MIEF1: variants seen among roughly 807,000 people sequenced by gnomAD.
MIEF1 encodes mitochondrial elongation factor 1.
In MIEF1, 14 loss-of-function variants were observed where a neutral mutation model predicts 35.1. The ratio of observed to expected loss-of-function variants is 0.40; its 90% CI spans 0.26 to 0.62. MIEF1 has a LOEUF of 0.62. MIEF1 is among the 20% of genes least tolerant of loss of function. The pLI, the probability that MIEF1 is intolerant of heterozygous loss-of-function variation, is 0.43. For missense variants in MIEF1, 542 were observed against 615.4 expected (o/e 0.88, Z 1.26); for synonymous variants, 245 against 254.3 (o/e 0.96, Z 0.35).
At position 39,517,654 on chromosome 22, in the gene MIEF1, AT is replaced by A; in HGVS notation, c.*3334del. The A allele has an allele frequency of 2.1e-6, 1 of 470,626 alleles. No homozygotes were observed. The highest frequency in any genetic ancestry group is 7.0e-5 in the East Asian group (1 of 14,376). 29.2% of individuals were successfully genotyped at this position (470,626 alleles called of 1,614,324 possible). ...GGCTGAGAACGTGTTCTGTCAGAGG[AT>A]TTGTTAGAACTCTGCCCTTTTGTCT... On this transcript the variant is annotated 3_prime_UTR_variant, in exon 6 of 6. Transcript: ENST00000325301.
intron 2 of MIEF1, among the ~76,000 whole-genome samples, chr22:39,505,290 T>C (rs1929959853): frequency 6.6e-6 from 1 of 151,114 alleles, no homozygotes; most frequent in Non-Finnish European, 1.5e-5. Flanking sequence ...CCTCAAGCAG[T>C]CCTCCCTTCT....
intron 2 of MIEF1, among the ~76,000 whole-genome samples, chr22:39,507,338 C>T (rs1485320202): frequency 7.2e-5 from 11 of 151,794 alleles, no homozygotes; most frequent in Admixed American, 1.3e-4. Context: ...CTCTGCCTCC[C>T]GACTTCAAGC....
In MIEF1 at chr22:39,513,382, G is replaced by A. The variant is rs79101629; in HGVS notation, c.586-135G>A. On this transcript the variant is annotated intron_variant, in intron 5 of 5. Transcript: ENST00000325301. The stretch of plus-strand genomic sequence containing the variant: ...GCTTCCCACAGTGCTGAGATTACAG[G>A]CATGGGCCACTGCGCCCGGCCTAGA... 592 of 894,130 alleles carry A rather than the reference G, an allele frequency of 6.6e-4. 3 individuals carry two copies. In the African/African-American group the frequency reaches 8.9e-3, roughly 13 times the overall value. The allele number at this position is 894,130 out of a possible 1,614,324, so 55.4% of individuals were successfully genotyped here.
chr22:39,503,926 A>C, intron 1 of MIEF1: 1 of 272,592 alleles, frequency 3.7e-6, no homozygotes, highest in African/African-American at 2.2e-5. Flanking sequence ...TAAGTGAGGA[A>C]GCTGGTGCTC....
At position 39,511,855 on chromosome 22, in the gene MIEF1, G is replaced by A. The variant is rs569843822; in HGVS notation, c.151G>A (p.Asp51Asn). Residue 51 changes from aspartate to asparagine, a missense_variant, in exon 4 of 6, where the codon GAT (aspartate) becomes AAT (asparagine). By Grantham distance (23) the Asp-to-Asn change is conservative (BLOSUM62 1). Transcript: ENST00000325301. Reference sequence around the variant, plus strand: ...GTCCTCTCTGCTATTTCAGATGTACGATCGGGCGATCAGTGCCCCTACCAG... The same window carrying A: ...GTCCTCTCTGCTATTTCAGATGTACAATCGGGCGATCAGTGCCCCTACCAG... Reference protein sequence around the residue: ...IATLAVKRMYDRAISAPTSPT... With the variant: ...IATLAVKRMYNRAISAPTSPT... 10 of 1,612,136 alleles carry A rather than the reference G, an allele frequency of 6.2e-6. No homozygotes were observed. The highest frequency in any genetic ancestry group is 1.7e-5 in the Admixed American group (1 of 59,808).
intron 2 of MIEF1, 39 bp from the exon 3 acceptor site, chr22:39,511,249 G>A (rs1337274618): frequency 6.2e-7 from 1 of 1,611,778 alleles, no homozygotes; most frequent in Non-Finnish European, 8.5e-7. Flanking sequence ...GGTTCTTGGG[G>A]TCCCAGTACT....
At chr22:39,505,552 A>T (rs1288789434) in intron 2 of MIEF1, among the ~76,000 whole-genome samples, 1 of 152,168 alleles carries the variant, frequency 6.6e-6, no homozygotes, top group African/African-American at 2.4e-5. Context: ...GTACCCCTGT[A>T]AGGCAAATAG....
intron 2 of MIEF1, among the ~76,000 whole-genome samples, chr22:39,507,865 A>G (rs868302612): frequency 4.0e-5 from 6 of 151,120 alleles, no homozygotes; most frequent in Middle Eastern, 3.4e-3. Context: ...ACTCAGTCTC[A>G]AAAAAAAAGA....
chr22:39,515,258 G>C lies in MIEF1; in HGVS notation c.*935G>C. 1.4e-6 allele frequency: 1 copy of C among 717,354 alleles called. No individual in the cohort carries two copies. The highest frequency in any genetic ancestry group is 2.6e-6 in the Non-Finnish European group (1 of 385,058). 44.4% of individuals were successfully genotyped at this position (717,354 alleles called of 1,614,324 possible). A position where few individuals can be genotyped will look rare whatever the true frequency, so the allele number is the denominator to read the frequency against. On this transcript the variant is annotated 3_prime_UTR_variant, in exon 6 of 6. Transcript: ENST00000325301. The stretch of plus-strand genomic sequence containing the variant: ...AAGGCCTTGAAGGAACGCAGCCTTA[G>C]ACATCAGGTGAGGATGATGGAGGTA...
At chr22:39,510,352 C>G (rs898923263) in intron 2 of MIEF1, among the ~76,000 whole-genome samples, 1 of 152,142 alleles carries the variant, frequency 6.6e-6, no homozygotes, top group Non-Finnish European at 1.5e-5. Flanking sequence ...ACTGTAGCCT[C>G]AAACTCCTGG....
In MIEF1 at chr22:39,514,166, TGAG is replaced by T; in HGVS notation, c.1237_1239del (p.Arg413del). 4 of 1,614,198 alleles carry T rather than the reference TGAG, an allele frequency of 2.5e-6. No homozygotes were observed. The highest frequency in any genetic ancestry group is 1.7e-6 in the Non-Finnish European group (2 of 1,180,032). Reference sequence around the variant, plus strand: ...CTGGCCGACCGTTTCCTGCAGGCCTTGAGGGGACTTATCAGCTACTTAGAGGCT... The same window carrying T: ...CTGGCCGACCGTTTCCTGCAGGCCTTGGGACTTATCAGCTACTTAGAGGCT... On this transcript the variant is annotated inframe_deletion, in exon 6 of 6. Transcript: ENST00000325301.
Position 39,514,323 on chromosome 22 carries a change from G to C in MIEF1, c.1392G>C (p.Ter464TyrextTer3), listed in dbSNP as rs1334992283. ...LSEPEVLLQT[*>Y] The stretch of plus-strand genomic sequence containing the variant: ...AGCCAGAGGTGCTGCTGCAGACGTA[G>C]GGCAGGTGAAGGCCAAAGCGGGTGT... Residue 464 changes from the stop codon to tyrosine (Y), a stop_lost, in exon 6 of 6, where the codon TAG becomes TAC. Coordinates refer to ENST00000325301, the MANE Select transcript of MIEF1 (RefSeq NM_019008.6). The C allele has an allele frequency of 6.2e-7, 1 of 1,612,504 alleles. No individual in the cohort carries two copies. Among genetic ancestry groups the C allele is most frequent in the African/African-American group, 1.3e-5 (1 of 75,040 alleles).
intron 5 of MIEF1, among the ~76,000 whole-genome samples, chr22:39,512,929 G>A (rs1359411771): frequency 3.3e-5 from 5 of 152,110 alleles, no homozygotes; most frequent in African/African-American, 1.2e-4. Flanking sequence ...GATTACAGGC[G>A]TGAGCCTGGC....
In MIEF1 at chr22:39,502,415, G is replaced by C. The variant is rs909400551; in HGVS notation, c.-362G>C. The C allele has an allele frequency of 6.6e-6, 1 of 152,366 alleles. No individual in the cohort carries two copies. The highest frequency in any genetic ancestry group is 1.5e-5 in the Non-Finnish European group (1 of 68,138). 9.4% of individuals were successfully genotyped at this position (152,366 alleles called of 1,614,324 possible). ...CCCGGCCAGAGGCGAGTCCTGCGGA[G>C]TGGTAGCGCGCACGGCCTGCGGGTG... On this transcript the variant is annotated 5_prime_UTR_variant, in exon 1 of 6. Transcript: ENST00000325301.
chr22:39,512,122 C>T lies in MIEF1; in HGVS notation c.322+96C>T. ...TTCCTGAGCACATCTGTGCCAGGCACTGTGCCAGCACTTGCCCTCCATGCC... is the reference window on the plus strand; with the variant it reads ...TTCCTGAGCACATCTGTGCCAGGCATTGTGCCAGCACTTGCCCTCCATGCC... On this transcript the variant is annotated intron_variant, in intron 4 of 5. Transcript: ENST00000325301. 23 of 1,557,286 alleles carry T rather than the reference C, an allele frequency of 1.5e-5. No homozygotes were observed. The South Asian group carries it at 2.6e-4, about 18-fold the overall frequency.
At chr22:39,508,878 A>AGAGTCAGAATAGAG (rs1311653474) in intron 2 of MIEF1, among the ~76,000 whole-genome samples, 2 of 152,140 alleles carry the variant, frequency 1.3e-5, no homozygotes, top group African/African-American at 4.8e-5. Flanking sequence ...AGTCAGAAAT[A>AGAGTCAGAATAGAG]TTTCTTTGTT....
rs1930664032 is a variant in MIEF1, at chr22:39,516,269, A to C, written c.*1946A>C. ...TGTGTACCCACTGGGTATCCGTTAG[A>C]GGTAAGGGAGAGGAGAGGATTGATA... On this transcript the variant is annotated 3_prime_UTR_variant, in exon 6 of 6. Transcript: ENST00000325301. 1 of 152,054 alleles carries C rather than the reference A, an allele frequency of 6.6e-6. No homozygotes were observed. The highest frequency in any genetic ancestry group is 2.1e-4 in the South Asian group (1 of 4,832). 9.4% of individuals were successfully genotyped at this position (152,054 alleles called of 1,614,324 possible). A position where few individuals can be genotyped will look rare whatever the true frequency, so the allele number is the denominator to read the frequency against.
At chr22:39,501,788 C>A (rs1929716857), upstream of MIEF1, 1 of 152,146 alleles carries the variant, frequency 6.6e-6, no homozygotes, top group African/African-American at 2.4e-5. Context: ...TGAAGGGGGG[C>A]ATTTGAGGTA....
intron 4 of MIEF1, 88 bp downstream of exon 4, chr22:39,512,114 GC>G (rs1484615421): frequency 6.4e-7 from 1 of 1,557,538 alleles, no homozygotes; most frequent in African/African-American, 1.4e-5. Flanking sequence ...GCACATCTGT[GC>G]CAGGCACTGT....
Sources: gnomAD v4.1 joint callset for allele counts (sites outside exome capture counted in the v4.1 genomes callset) on GRCh38, gnomAD v4.1.1 for gene constraint, MANE v1.5 for transcripts, NCBI Gene and HGNC (gene_info 2026-07-23, HGNC 2026-07-21) for gene names.